Variants in CEP104 observed in about 807,000 individuals in gnomAD.
CEP104 encodes centrosomal protein of 104 kDa.
Under a neutral mutation model 113.3 loss-of-function variants are expected in CEP104, and 84 were observed. The observed-to-expected ratio is 0.74, with a 90% confidence interval of 0.62 to 0.89. The LOEUF (loss-of-function observed/expected upper bound fraction) is 0.89. Among genes scored for constraint, CEP104 ranks in the 40% least tolerant of loss-of-function variants. CEP104 has a pLI of 0.00. For missense variants in CEP104, 1,053 were observed against 1,156.6 expected, an observed-to-expected ratio of 0.91 and a Z score of 1.30; for synonymous variants, 378 against 421.7, an observed-to-expected ratio of 0.90 and a Z score of 1.27.
rs754414807 is a variant in CEP104, at chr1:3,839,912, G to A, written c.567-136C>T. ...CAGAGCATTTCCTGCATGAGAAAAC[G>A]GGTCTCAGAGAAGTAATGGGCCTCA... On this transcript the variant is annotated intron_variant, in intron 6 of 21. Coordinates refer to ENST00000378230, the MANE Select transcript of CEP104 (RefSeq NM_014704.4). 89 of 707,614 alleles carry A rather than the reference G, an allele frequency of 1.3e-4. No individual in the cohort carries two copies. In the Middle Eastern group the frequency reaches 2.1e-3, roughly 17 times the overall value. 43.8% of individuals were successfully genotyped at this position (707,614 alleles called of 1,614,324 possible). A position where few individuals can be genotyped will look rare whatever the true frequency, so the allele number is the denominator to read the frequency against.
In CEP104 at chr1:3,856,884, G is replaced by C. The variant is rs1258583528; in HGVS notation, c.-15+5C>G. The C allele has an allele frequency of 6.6e-6, 1 of 151,610 alleles. No homozygotes were observed. Among genetic ancestry groups the C allele is most frequent in the Non-Finnish European group, 1.5e-5 (1 of 67,838 alleles). 9.4% of individuals were successfully genotyped at this position (151,610 alleles called of 1,614,324 possible). ...GGGCCGGCGCCGCAGCGGCCCGGAA[G>C]GTACCTGCTTAGAGGGAAGGGCCCC... On this transcript the variant is annotated splice_donor_5th_base_variant and intron_variant, in intron 1 of 21. Coordinates refer to ENST00000378230, the MANE Select transcript of CEP104 (RefSeq NM_014704.4).
intron 2 of CEP104, among the ~76,000 whole-genome samples, chr1:3,851,484 CA>C (rs1446878959): frequency 1.3e-5 from 2 of 152,016 alleles, no homozygotes; most frequent in African/African-American, 2.4e-5. Flanking sequence ...TCATGAAAAG[CA>C]CAGAGCTGAC....
Position 3,839,094 on chromosome 1 carries a change from T to G in CEP104, c.761A>C (p.Glu254Ala). ...CTCCACGGCACAGCGTTTCTCTACC[T>G]CATACCTCCCAAGGCGTTCACCAAC... The part of the protein sequence containing the change: ...QKVGERLGRY[E>A]VEKRCAVEKE... Residue 254 changes from glutamate to alanine, a missense_variant, in exon 8 of 22, where the codon GAG (glutamate) becomes GCG (alanine). By Grantham distance (107) the Glu-to-Ala change is moderately radical. Coordinates refer to ENST00000378230, the MANE Select transcript of CEP104 (RefSeq NM_014704.4). The G allele has an allele frequency of 6.2e-7, 1 of 1,613,978 alleles. No individual in the cohort carries two copies.
At chr1:3,822,481 G>T (rs547960873) in intron 20 of CEP104, among the ~76,000 whole-genome samples, 1 of 152,340 alleles carries the variant, frequency 6.6e-6, no homozygotes, top group Non-Finnish European at 1.5e-5. Context: ...GGTTGGAGTG[G>T]AAGTGGCTGA....
rs1644750519 is a variant in CEP104 at position 3,857,053 on chromosome 1, C to G, written c.-179G>C. 1 of 152,176 alleles carries G rather than the reference C, an allele frequency of 6.6e-6. No homozygotes were observed. The highest frequency in any genetic ancestry group is 2.4e-5 in the African/African-American group (1 of 41,438). 9.4% of individuals were successfully genotyped at this position (152,176 alleles called of 1,614,324 possible). A position where few individuals can be genotyped will look rare whatever the true frequency, so the allele number is the denominator to read the frequency against. ...TCTCGTGGACTTCCTCGGCAGCCGC[C>G]GCTTCCTCAGACGGAACTCGGGGGG... On this transcript the variant is annotated 5_prime_UTR_variant, in exon 1 of 22. Coordinates refer to ENST00000378230, the MANE Select transcript of CEP104 (RefSeq NM_014704.4).
chr1:3,837,231 A>G, intron 9 of CEP104, 61 bp downstream of exon 9: 1 of 1,392,850 alleles, frequency 7.2e-7, no homozygotes, highest in South Asian at 1.3e-5. Flanking sequence ...ACCTGGCACA[A>G]CACATGTCCT....
At position 3,855,170 on chromosome 1, in the gene CEP104, C is replaced by A. The variant is rs544351408; in HGVS notation, c.-15+1719G>T. ...TACAGGCGTGGCCAATAAGCCCAGC[C>A]CCGATTTTTTTTTTTTTTTTTTTTT... On this transcript the variant is annotated intron_variant, in intron 1 of 21. Coordinates refer to ENST00000378230, the MANE Select transcript of CEP104 (RefSeq NM_014704.4). Among the ~76,000 whole-genome samples, 173 of 119,558 alleles carry A rather than the reference C, an allele frequency of 1.4e-3. 1 individual carries two copies. The highest frequency in any genetic ancestry group is 5.1e-3 in the African/African-American group (158 of 31,072). The allele number at this position is 119,558 out of a possible 152,430, so 78.4% of individuals were successfully genotyped here.
In CEP104 at chr1:3,836,697, A is replaced by T. The variant is rs200748628; in HGVS notation, c.1120-5T>A. 1.9e-5 allele frequency: 31 copies of T among 1,613,002 alleles called. No individual in the cohort carries two copies. The African/African-American group carries it at 4.1e-4, about 22-fold the overall frequency. On this transcript the variant is annotated splice_region_variant and splice_polypyrimidine_tract_variant and intron_variant, in intron 9 of 21. Transcript: ENST00000378230. ...ATCGTAGGGCAGGGACTCTGCCTGC[A>T]GTGAGTGAAGGAGAGAGGAAAGTGC...
rs1644375904 is a variant in CEP104 at position 3,839,535 on chromosome 1, A to G, written c.735+73T>C. 4 of 1,346,334 alleles carry G rather than the reference A, an allele frequency of 3.0e-6. No homozygotes were observed. The Admixed American group carries it at 6.7e-5, about 22-fold the overall frequency. The allele number at this position is 1,346,334 out of a possible 1,614,324, so 83.4% of individuals were successfully genotyped here. On this transcript the variant is annotated intron_variant, in intron 7 of 21. Transcript: ENST00000378230. Reference sequence around the variant, plus strand: ...CTTTTAGTAACTGGTTTCTTTTACCATGTAGTTATTCTAAGTATACATAAA... The same window carrying G: ...CTTTTAGTAACTGGTTTCTTTTACCGTGTAGTTATTCTAAGTATACATAAA...
chr1:3,836,434 G>A (rs1009984698), intron 10 of CEP104, 61 bp downstream of exon 10: 41 of 1,534,220 alleles, frequency 2.7e-5, no homozygotes, highest in South Asian at 7.1e-5. Flanking sequence ...AGAGGTGTGC[G>A]TACCATATAG....
rs527392890 is a variant in CEP104, at chr1:3,831,532, C to T, written c.1660-310G>A. Reference sequence around the variant, plus strand: ...TTTCTGTTCTCAGTATTCTCAGCTTCAAGGAAAAGGTTTTCTCATTTCTAA... The same window carrying T: ...TTTCTGTTCTCAGTATTCTCAGCTTTAAGGAAAAGGTTTTCTCATTTCTAA... On this transcript the variant is annotated intron_variant, in intron 12 of 21. Transcript: ENST00000378230. Among the ~76,000 whole-genome samples, 3 of 152,252 alleles carry T rather than the reference C, an allele frequency of 2.0e-5. No homozygotes were observed. The East Asian group carries it at 5.8e-4, about 29-fold the overall frequency.
At chr1:3,843,735 G>A (rs1249090978) in intron 6 of CEP104, among the ~76,000 whole-genome samples, 1 of 151,742 alleles carries the variant, frequency 6.6e-6, no homozygotes, top group Non-Finnish European at 1.5e-5. Context: ...ATTTTTAACG[G>A]GTAGAGAGAG....
chr1:3,829,663 A>C (rs1383414042), intron 14 of CEP104, 128 bp downstream of exon 14: 1 of 1,008,606 alleles, frequency 9.9e-7, no homozygotes, highest in African/African-American at 1.6e-5. Context: ...GTTCTTTCTT[A>C]GCCAGGACGC....
At chr1:3,840,908 T>C (rs1644400123) in intron 6 of CEP104, among the ~76,000 whole-genome samples, 1 of 152,194 alleles carries the variant, frequency 6.6e-6, no homozygotes, top group African/African-American at 2.4e-5. Context: ...ACTCAAAGGG[T>C]TAAGTTGTAT....
intron 6 of CEP104, chr1:3,843,383 T>TTA: frequency 1.8e-6 from 1 of 545,158 alleles, no homozygotes; most frequent in Non-Finnish European, 3.3e-6. Context: ...ATAATTTTTT[T>TTA]TTTTTTTTTT....
chr1:3,812,181 T>C lies in CEP104; in HGVS notation c.*3221A>G, dbSNP rs1004695429. The C allele has an allele frequency of 1.3e-5, 2 of 152,192 alleles. No individual in the cohort carries two copies. The highest frequency in any genetic ancestry group is 4.8e-5 in the African/African-American group (2 of 41,446). 9.4% of individuals were successfully genotyped at this position (152,192 alleles called of 1,614,324 possible). A position where few individuals can be genotyped will look rare whatever the true frequency, so the allele number is the denominator to read the frequency against. ...AATATATTACTTAGATATTTTGTAA[T>C]TCTGGTACTTGAAATAAAGACAAAT... is the stretch of plus-strand genomic sequence containing the variant. On this transcript the variant is annotated 3_prime_UTR_variant, in exon 22 of 22. Coordinates refer to ENST00000378230, the MANE Select transcript of CEP104 (RefSeq NM_014704.4).
intron 7 of CEP104, 108 bp from the exon 8 acceptor site, chr1:3,839,227 T>C (rs2124676947): frequency 1.0e-6 from 1 of 979,462 alleles, no homozygotes; most frequent in Non-Finnish European, 1.6e-6. Flanking sequence ...GGAGAGGGAG[T>C]GAGCACAGGG....
intron 6 of CEP104, chr1:3,843,198 A>G (rs1309322901): frequency 1.4e-6 from 1 of 712,616 alleles, no homozygotes; most frequent in South Asian, 1.5e-5. Flanking sequence ...ATTGTCATCC[A>G]CAGCAGGCAG....
At position 3,819,560 on chromosome 1, in the gene CEP104, C is replaced by T. The variant is rs764846642; in HGVS notation, c.2572-3190G>A. Among the ~76,000 whole-genome samples the T allele has an allele frequency of 1.3e-5, 2 of 152,106 alleles. No homozygotes were observed. Among genetic ancestry groups the T allele is most frequent in the African/African-American group, 4.8e-5 (2 of 41,404 alleles). ...AAGAAATCCCAGCCAAACACAAATA[C>T]TAGAATTGGAAAGTACCAGATTGAA... On this transcript the variant is annotated intron_variant, in intron 20 of 21. Transcript: ENST00000378230. The surrounding 1 kb of genome is among the most constrained non-coding windows in gnomAD (Gnocchi z 4.6).
Sources: allele counts gnomAD v4.1 joint callset (sites outside exome capture counted in the v4.1 genomes callset), GRCh38; gene constraint gnomAD v4.1.1; non-coding constraint Gnocchi (gnomAD v3.1); transcripts MANE v1.5; gene names NCBI Gene and HGNC (gene_info 2026-07-23, HGNC 2026-07-21).